The following MTUS2 variants were observed in gnomAD, a reference collection of about 807,000 sequenced individuals.
The protein encoded by MTUS2 is microtubule associated scaffold protein 2, also known as microtubule-associated tumor suppressor candidate 2.
A neutral mutation model predicts 114.1 loss-of-function variants in MTUS2; 40 were observed. The observed-to-expected ratio is 0.35, with a 90% CI of 0.27 to 0.46. MTUS2 has a LOEUF of 0.46. Ranked by LOEUF, MTUS2 falls within the 20% of genes least tolerant of loss-of-function variation. The pLI, the probability that MTUS2 is intolerant of heterozygous loss-of-function variation, is 1.00. For missense variants in MTUS2, 1,679 were observed against 1,705.4 expected (o/e 0.98, Z 0.27); for synonymous variants, 688 against 672.0 (o/e 1.02, Z -0.37).
chr13:28,898,450 A>G (rs1024271813), intron 2 of MTUS2, among the ~76,000 whole-genome samples: 2 of 152,224 alleles, frequency 1.3e-5, no homozygotes, highest in Non-Finnish European at 2.9e-5. Flanking sequence ...CTCTTTCCAC[A>G]GTGGTTTGTC....
intron 2 of MTUS2, among the ~76,000 whole-genome samples, chr13:28,872,714 C>T (rs978202122): frequency 1.3e-5 from 2 of 152,206 alleles, no homozygotes; most frequent in Non-Finnish European, 1.5e-5. Flanking sequence ...CTCCTCTCCC[C>T]GGGGAGGGCA....
intron 2 of MTUS2, among the ~76,000 whole-genome samples, chr13:28,990,755 G>T (rs912376833): frequency 6.6e-6 from 1 of 152,162 alleles, no homozygotes; most frequent in African/African-American, 2.4e-5. Flanking sequence ...CAACCCACTT[G>T]GGTCCCCTTC....
intron 5 of MTUS2, among the ~76,000 whole-genome samples, chr13:29,138,237 A>G (rs1233871699): frequency 6.6e-6 from 1 of 152,000 alleles, no homozygotes; most frequent in African/African-American, 2.4e-5. Context: ...ACCAAAATTA[A>G]CTACAATTTG....
chr13:29,488,750 G>C (rs1881833891), intron 11 of MTUS2, among the ~76,000 whole-genome samples: 1 of 152,192 alleles, frequency 6.6e-6, no homozygotes, highest in African/African-American at 2.4e-5. Context: ...TACACTCATA[G>C]ACCACATTCA....
At chr13:29,232,890 A>G (rs1896388911) in intron 5 of MTUS2, among the ~76,000 whole-genome samples, 1 of 152,226 alleles carries the variant, frequency 6.6e-6, no homozygotes, top group South Asian at 2.1e-4. Flanking sequence ...CACAAGATTT[A>G]AAGTGTTTGA....
intron 5 of MTUS2, among the ~76,000 whole-genome samples, chr13:29,136,699 C>T (rs1891991979): frequency 6.6e-6 from 1 of 152,200 alleles, no homozygotes; most frequent in Non-Finnish European, 1.5e-5. Context: ...CCCCTTCTCC[C>T]TTACCTCACC....
intron 5 of MTUS2, among the ~76,000 whole-genome samples, chr13:29,124,643 T>C (rs568675818): frequency 2.0e-5 from 3 of 152,328 alleles, no homozygotes; most frequent in South Asian, 4.1e-4. Context: ...ATGTTCCTAG[T>C]TGTATTATTC....
chr13:28,873,630 C>A (rs1265176325), intron 2 of MTUS2, among the ~76,000 whole-genome samples: 1 of 152,192 alleles, frequency 6.6e-6, no homozygotes, highest in African/African-American at 2.4e-5. Context: ...TAATGCAATA[C>A]AAATGGGTTT....
At chr13:29,368,222 G>A (rs1870900737) in intron 8 of MTUS2, among the ~76,000 whole-genome samples, 1 of 151,578 alleles carries the variant, frequency 6.6e-6, no homozygotes, top group African/African-American at 2.4e-5. Flanking sequence ...ATGGGCGTGA[G>A]CCACTGCACC....
At chr13:28,983,296 C>T (rs1343779968) in intron 2 of MTUS2, among the ~76,000 whole-genome samples, 1 of 152,184 alleles carries the variant, frequency 6.6e-6, no homozygotes, top group Non-Finnish European at 1.5e-5. Context: ...CTGCTACATG[C>T]ATTGTCATTC....
chr13:29,079,303 G>T (rs1203339749), intron 4 of MTUS2, among the ~76,000 whole-genome samples: 1 of 151,916 alleles, frequency 6.6e-6, no homozygotes, highest in Admixed American at 6.6e-5. Flanking sequence ...GTTGGAATAG[G>T]TATTTATACA....
At chr13:28,846,971 C>T (rs1274215041) in intron 2 of MTUS2, among the ~76,000 whole-genome samples, 4 of 152,242 alleles carry the variant, frequency 2.6e-5, no homozygotes, top group South Asian at 2.1e-4. Context: ...GTGTCTTACA[C>T]GTAATGGGGA....
At chr13:28,851,748 C>A (rs779746975) in intron 2 of MTUS2, among the ~76,000 whole-genome samples, 2 of 107,198 alleles carry the variant, frequency 1.9e-5, no homozygotes, top group Non-Finnish European at 4.1e-5. Flanking sequence ...AAGTGAGGAT[C>A]CCCGAAGTGT....
At chr13:29,125,043 T>G (rs549797782) in intron 5 of MTUS2, among the ~76,000 whole-genome samples, 1 of 152,352 alleles carries the variant, frequency 6.6e-6, no homozygotes, top group East Asian at 1.9e-4. Flanking sequence ...GTAAATGTAC[T>G]TAATACCACT....
intron 2 of MTUS2, among the ~76,000 whole-genome samples, chr13:28,945,027 T>A (rs1882444691): frequency 6.6e-6 from 1 of 152,152 alleles, no homozygotes; most frequent in South Asian, 2.1e-4. Context: ...ACACTCTGTG[T>A]CCATGCATAC....
intron 2 of MTUS2, among the ~76,000 whole-genome samples, chr13:28,962,440 C>T (rs1379672013): frequency 6.6e-6 from 1 of 152,106 alleles, no homozygotes; most frequent in East Asian, 1.9e-4. Context: ...TGGCTGTATT[C>T]TCTCCTGAAT....
rs779266664 is a variant in MTUS2, at chr13:29,026,175, C to T, written c.1477C>T (p.Arg493Cys). 45 of 1,613,766 alleles carry T rather than the reference C, an allele frequency of 2.8e-5. No homozygotes were observed. The highest frequency in any genetic ancestry group is 1.1e-4 in the African/African-American group (8 of 74,868). Residue 493 changes from arginine to cysteine, a missense_variant, in exon 3 of 16, where the codon CGC becomes TGC. Arg to Cys is a radical substitution (Grantham distance 180, BLOSUM62 -3). Around this residue, in one of 3 missense-constraint regions of MTUS2, gnomAD observed 843 missense variants for 770.8 expected, o/e 1.09. Transcript: ENST00000612955. ...TGAGCCCCTGGACCCTCAAAGTGGC[C>T]GCTCAGAAGCACGGGAAAGCAAAGA... ...VPEPLDPQSG[R>C]SEARESKEVT...
At chr13:28,940,412 G>A (rs1432848981) in intron 2 of MTUS2, among the ~76,000 whole-genome samples, 1 of 152,172 alleles carries the variant, frequency 6.6e-6, no homozygotes, top group Non-Finnish European at 1.5e-5. Context: ...TACAAAATAG[G>A]TAAATCCATA....
intron 9 of MTUS2, among the ~76,000 whole-genome samples, chr13:29,440,753 ACTC>A (rs931456803): frequency 2.7e-5 from 4 of 146,856 alleles, no homozygotes; most frequent in African/African-American, 1.0e-4. Flanking sequence ...ACCAGTGAGC[ACTC>A]CTCCTCCATC....
Sources: gnomAD v4.1 joint callset for allele counts (sites outside exome capture counted in the v4.1 genomes callset) on GRCh38, gnomAD v4.1.1 for gene constraint, gnomAD v4.1.1 regional missense constraint, MANE v1.5 for transcripts, NCBI Gene and HGNC (gene_info 2026-07-23, HGNC 2026-07-21) for gene names.